The following POLR2F variants were observed in gnomAD, a reference collection of about 807,000 sequenced individuals.
The protein encoded by POLR2F is DNA-directed RNA polymerases I, II, and III subunit RPABC2.
In POLR2F, 12 loss-of-function variants were observed where a neutral mutation model predicts 22.7. The ratio of observed to expected loss-of-function variants is 0.53; its 90% CI spans 0.34 to 0.86. The LOEUF is 0.86. Among genes scored for constraint, POLR2F ranks in the 40% least tolerant of loss-of-function variants. POLR2F has a pLI of 0.02. For synonymous variants in POLR2F, 57 were observed against 66.0 expected (o/e 0.86, Z 0.66); for missense variants, 126 against 171.5 (o/e 0.73, Z 1.48).
At chr22:38,039,928 G>A in intron 5 of POLR2F, among the ~76,000 whole-genome samples, 1 of 152,166 alleles carries the variant, frequency 6.6e-6, no homozygotes, top group East Asian at 1.9e-4. Flanking sequence ...TCCTGGAGGA[G>A]GTGACTGTGA....
intron 1 of POLR2F, among the ~76,000 whole-genome samples, chr22:37,955,911 C>T (rs907538934): frequency 1.3e-5 from 2 of 151,906 alleles, no homozygotes; most frequent in African/African-American, 2.4e-5. Flanking sequence ...TCTTGGACTC[C>T]TGACCTCAAG....
At chr22:37,970,439 T>TA (rs139882), downstream of POLR2F, among the ~76,000 whole-genome samples, 79,811 of 128,828 alleles carry the variant, frequency 0.62, 24,450 homozygotes, top group East Asian at 0.75. Context: ...TGTCTCTACT[T>TA]AAAAAAAAAA....
rs770677934 is a variant in POLR2F at position 37,969,086 on chromosome 22, C to T, written c.*1371C>T. 1.8e-5 allele frequency: 18 copies of T among 985,338 alleles called. No homozygotes were observed. The highest frequency in any genetic ancestry group is 2.2e-5 in the Non-Finnish European group (18 of 829,992). 61.0% of individuals were successfully genotyped at this position (985,338 alleles called of 1,614,324 possible). ...CTCTAAATGGTCTCTTTGTTCCCTG[C>T]TGGGCTGCTCAGTATCAGATGTGAT... On this transcript the variant is annotated 3_prime_UTR_variant, in exon 5 of 5. Coordinates refer to ENST00000442738, the MANE Select transcript of POLR2F (RefSeq NM_021974.5).
intron 3 of POLR2F, 107 bp downstream of exon 3, chr22:37,959,583 A>C: frequency 1.2e-5 from 16 of 1,319,812 alleles, no homozygotes; most frequent in Non-Finnish European, 1.6e-5. Flanking sequence ...CTCTGCTCTC[A>C]CATTCCAAAA....
chr22:38,018,075 G>A (rs988123064), intron 1 of POLR2F, among the ~76,000 whole-genome samples: 5 of 152,322 alleles, frequency 3.3e-5, no homozygotes, highest in African/African-American at 7.2e-5. Flanking sequence ...CTTATATGAC[G>A]GAGGGCAGAG....
chr22:37,965,688 A>C (rs1277503134), intron 3 of POLR2F, among the ~76,000 whole-genome samples: 1 of 152,210 alleles, frequency 6.6e-6, no homozygotes, highest in Non-Finnish European at 1.5e-5. Flanking sequence ...TTTGGGAGTA[A>C]TATAAATCGA....
chr22:38,034,041 C>T (rs2085091636), intron 5 of POLR2F: 1 of 167,154 alleles, frequency 6.0e-6, no homozygotes, highest in Admixed American at 6.5e-5. Flanking sequence ...CCGGACAGGG[C>T]AGGAGTGCCC....
chr22:38,033,964 G>A (rs2085090813), intron 5 of POLR2F, among the ~76,000 whole-genome samples: 1 of 152,186 alleles, frequency 6.6e-6, no homozygotes, highest in East Asian at 1.9e-4. Context: ...GGAGTCAAGA[G>A]AGGTTGTGAC....
At chr22:37,954,716 A>C (rs1358384326) in intron 1 of POLR2F, among the ~76,000 whole-genome samples, 1 of 152,200 alleles carries the variant, frequency 6.6e-6, no homozygotes, top group Non-Finnish European at 1.5e-5. Context: ...GATAGAGCCC[A>C]AAAATTACCT....
intron 5 of POLR2F, among the ~76,000 whole-genome samples, chr22:38,039,339 C>T (rs2085149378): frequency 6.6e-6 from 1 of 152,208 alleles, no homozygotes; most frequent in Admixed American, 6.5e-5. Flanking sequence ...CGTCCGGGGA[C>T]ACAATTTCTG....
chr22:38,014,807 T>G (rs1447659548), intron 1 of POLR2F, among the ~76,000 whole-genome samples: 1 of 18,954 alleles, frequency 5.3e-5, no homozygotes, highest in Non-Finnish European at 9.6e-5. Flanking sequence ...TATTTTTGTA[T>G]TTTTTTTTTT....
intron 5 of POLR2F, among the ~76,000 whole-genome samples, chr22:38,039,102 G>A (rs1383692109): frequency 2.0e-5 from 3 of 152,194 alleles, no homozygotes; most frequent in Non-Finnish European, 4.4e-5. Flanking sequence ...CCCGGGAGCG[G>A]CTCCCCTCTG....
chr22:38,004,031 C>T (rs2084798349), intron 1 of POLR2F, among the ~76,000 whole-genome samples: 1 of 152,098 alleles, frequency 6.6e-6, no homozygotes, highest in Non-Finnish European at 1.5e-5. Context: ...GCTGTGTTGC[C>T]CAGGCTGGAG....
intron 1 of POLR2F, among the ~76,000 whole-genome samples, chr22:38,002,895 T>C (rs1016596965): frequency 1.3e-5 from 2 of 151,730 alleles, no homozygotes; most frequent in Non-Finnish European, 2.9e-5. Flanking sequence ...CCAGCTAAGT[T>C]TTTATATTTT....
chr22:38,038,575 C>A (rs939555645), intron 5 of POLR2F, among the ~76,000 whole-genome samples: 1 of 152,166 alleles, frequency 6.6e-6, no homozygotes, highest in African/African-American at 2.4e-5. Flanking sequence ...CCCTTGCGCC[C>A]GCGCCCATGG....
chr22:37,953,669 T>G, upstream of POLR2F: 11 of 1,262,526 alleles, frequency 8.7e-6, no homozygotes, highest in South Asian at 1.4e-5. Context: ...CGGAAGTGAT[T>G]TCCTCTGGGT....
At chr22:37,971,915 G>A (rs968382808), downstream of POLR2F, among the ~76,000 whole-genome samples, 3 of 152,012 alleles carry the variant, frequency 2.0e-5, no homozygotes, top group East Asian at 1.9e-4. Flanking sequence ...GGGCATAGCC[G>A]CCGGGCTGGG....
intron 1 of POLR2F, among the ~76,000 whole-genome samples, chr22:38,015,560 T>C (rs756157926): frequency 5.3e-5 from 8 of 152,092 alleles, no homozygotes; most frequent in Non-Finnish European, 1.0e-4. Flanking sequence ...CCATCCAAAG[T>C]AGTTGAATAG....
intron 1 of POLR2F, among the ~76,000 whole-genome samples, chr22:37,954,796 A>T (rs906312937): frequency 6.6e-6 from 1 of 152,196 alleles, no homozygotes; most frequent in African/African-American, 2.4e-5. Context: ...TTGCTACCCC[A>T]TTCCCAGTGA....
Sources: allele counts gnomAD v4.1 joint callset (sites outside exome capture counted in the v4.1 genomes callset), GRCh38; gene constraint gnomAD v4.1.1; transcripts MANE v1.5; gene names NCBI Gene and HGNC (gene_info 2026-07-23, HGNC 2026-07-21).